SHB: variants seen among roughly 807,000 people sequenced by gnomAD.
SHB encodes the protein SH2 domain-containing adapter protein B.
SHB carries 20 observed loss-of-function variants against 52.3 expected under a neutral mutation model. The ratio of observed to expected loss-of-function variants is 0.38; its 90% CI spans 0.27 to 0.56. The LOEUF is 0.56. SHB is among the 20% of genes least tolerant of loss of function. The pLI is 0.71. For missense variants in SHB, 825 were observed against 723.3 expected (o/e 1.14, Z -1.61); for synonymous variants, 397 against 316.5 (o/e 1.25, Z -2.70).
intron 3 of SHB, among the ~76,000 whole-genome samples, chr9:37,959,795 A>C (rs1832674484): frequency 6.6e-6 from 1 of 151,934 alleles, no homozygotes; most frequent in Non-Finnish European, 1.5e-5. Flanking sequence ...CCTGGACCTC[A>C]CCTCTCCCAA....
chr9:37,929,465 T>C (rs2118469934), intron 5 of SHB, among the ~76,000 whole-genome samples: 1 of 152,240 alleles, frequency 6.6e-6, no homozygotes, highest in East Asian at 1.9e-4. Context: ...TGTTCTCATC[T>C]GCTGGGCAGG....
intron 2 of SHB, among the ~76,000 whole-genome samples, chr9:38,000,336 G>A (rs1349747624): frequency 6.6e-6 from 1 of 152,164 alleles, no homozygotes; most frequent in Non-Finnish European, 1.5e-5. Context: ...GCAAGTTCTC[G>A]GGCTTCAGTG....
chr9:38,053,244 CT>C (rs565026068), intron 1 of SHB, among the ~76,000 whole-genome samples: 106 of 147,290 alleles, frequency 7.2e-4, no homozygotes, highest in Middle Eastern at 7.0e-3. Flanking sequence ...AAATCAGACT[CT>C]TTTTTTTTTT....
chr9:37,992,817 G>T (rs1416059673), intron 2 of SHB, among the ~76,000 whole-genome samples: 1 of 152,098 alleles, frequency 6.6e-6, no homozygotes, highest in Non-Finnish European at 1.5e-5. Context: ...AATGCTACAG[G>T]TATCAGAGAT....
rs530712290 is a variant in SHB at position 38,026,394 on chromosome 9, C to T, written c.718-10263G>A. 5.9e-5 allele frequency among the ~76,000 whole-genome samples: 9 copies of T among 152,372 alleles called. No homozygotes were observed. The South Asian group carries it at 1.0e-3, about 18-fold the overall frequency. ...GATCAGCTGCAGAGGCGCGGGAACC[C>T]GCACTAAGTGAAGGATCATTTCTCC... On this transcript the variant is annotated intron_variant, in intron 1 of 5. Coordinates refer to ENST00000377707, the MANE Select transcript of SHB (RefSeq NM_003028.3).
chr9:37,961,954 C>T (rs1406082760), intron 3 of SHB, among the ~76,000 whole-genome samples: 2 of 152,204 alleles, frequency 1.3e-5, no homozygotes. Flanking sequence ...ATGAATGGCC[C>T]GTGGCTGAAA....
At chr9:38,024,165 G>A (rs987818718) in intron 1 of SHB, among the ~76,000 whole-genome samples, 2 of 152,198 alleles carry the variant, frequency 1.3e-5, no homozygotes, top group South Asian at 2.1e-4. Flanking sequence ...CAAGTACTCC[G>A]CCCACATGCC....
At chr9:37,950,050 A>G (rs72724198) in intron 4 of SHB, among the ~76,000 whole-genome samples, 4 of 151,858 alleles carry the variant, frequency 2.6e-5, no homozygotes, top group Admixed American at 6.6e-5. Flanking sequence ...AATCCCCCCA[A>G]CCCCCAGCCT....
Position 37,917,429 on chromosome 9 carries a change from T to A in SHB, c.*2392A>T, listed in dbSNP as rs1264802283. On this transcript the variant is annotated 3_prime_UTR_variant, in exon 6 of 6. Coordinates refer to ENST00000377707, the MANE Select transcript of SHB (RefSeq NM_003028.3). ...CCACTGAGACCCTCCCAGAGCCTTT[T>A]CTGAGGAGCAATGTGCCCGGGAAGA... 6.6e-6 allele frequency among the ~76,000 whole-genome samples: 1 copy of A among 152,140 alleles called. No homozygotes were observed. Among genetic ancestry groups the A allele is most frequent in the African/African-American group, 2.4e-5 (1 of 41,426 alleles).
intron 1 of SHB, among the ~76,000 whole-genome samples, chr9:38,062,951 G>A (rs750775352): frequency 6.6e-6 from 1 of 152,208 alleles, no homozygotes; most frequent in East Asian, 1.9e-4. Context: ...CGGTTTTGGG[G>A]TGATTTGTTA....
intron 2 of SHB, among the ~76,000 whole-genome samples, chr9:38,011,493 G>C (rs769104333): frequency 6.6e-6 from 1 of 152,164 alleles, no homozygotes; most frequent in South Asian, 2.1e-4. Context: ...CTATTCAGTT[G>C]GTCTCAGGTG....
chr9:38,004,084 G>C (rs1821051334), intron 2 of SHB, among the ~76,000 whole-genome samples: 1 of 152,204 alleles, frequency 6.6e-6, no homozygotes, highest in Non-Finnish European at 1.5e-5. Context: ...CAACTCCCAG[G>C]TTCCTGGAGG....
intron 2 of SHB, among the ~76,000 whole-genome samples, chr9:38,004,915 G>A (rs992064652): frequency 6.6e-6 from 1 of 152,250 alleles, no homozygotes; most frequent in Admixed American, 6.5e-5. Flanking sequence ...AGTTCTGGGA[G>A]CTGAGAGATT....
intron 1 of SHB, among the ~76,000 whole-genome samples, chr9:38,048,162 T>C (rs1157202751): frequency 4.6e-5 from 7 of 152,198 alleles, no homozygotes; most frequent in Non-Finnish European, 1.0e-4. Flanking sequence ...CAAAAAAATT[T>C]CCAATAGTAA....
intron 2 of SHB, among the ~76,000 whole-genome samples, chr9:38,002,234 C>T (rs1405430343): frequency 6.6e-6 from 1 of 152,178 alleles, no homozygotes; most frequent in Non-Finnish European, 1.5e-5. Flanking sequence ...ATAGCAATAA[C>T]CCCACACATA....
chr9:38,015,241 GT>G, intron 2 of SHB: 4 of 595,934 alleles, frequency 6.7e-6, no homozygotes, highest in Non-Finnish European at 1.2e-5. Flanking sequence ...CACAACAGGG[GT>G]TTCCCTTTTG....
At chr9:37,946,728 C>T (rs926200505) in intron 5 of SHB, among the ~76,000 whole-genome samples, 9 of 152,194 alleles carry the variant, frequency 5.9e-5, no homozygotes, top group African/African-American at 2.2e-4. Flanking sequence ...CTCCCTGATC[C>T]TTTCGTGGAG....
chr9:38,040,099 G>C (rs192046679), intron 1 of SHB, among the ~76,000 whole-genome samples: 88 of 152,354 alleles, frequency 5.8e-4, no homozygotes, highest in African/African-American at 1.8e-3. Flanking sequence ...CAGGTCAGCC[G>C]GTCTTTCCCC....
intron 1 of SHB, among the ~76,000 whole-genome samples, chr9:38,061,503 C>G (rs1821891871): frequency 6.6e-6 from 1 of 152,178 alleles, no homozygotes; most frequent in African/African-American, 2.4e-5. Flanking sequence ...CTTCTGGGCT[C>G]TCCCAGCACA....
Sources: allele counts gnomAD v4.1 joint callset (sites outside exome capture counted in the v4.1 genomes callset), GRCh38; gene constraint gnomAD v4.1.1; transcripts MANE v1.5; gene names NCBI Gene and HGNC (gene_info 2026-07-23, HGNC 2026-07-21).